The following AKT3 variants were observed in gnomAD, a reference collection of about 807,000 sequenced individuals.
AKT3 encodes AKT serine/threonine kinase 3, also known as RAC-gamma serine/threonine-protein kinase.
AKT3 carries 15 observed loss-of-function variants against 65.3 expected under a neutral mutation model. The ratio of observed to expected loss-of-function variants is 0.23; its 90% CI spans 0.15 to 0.35. The LOEUF (loss-of-function observed/expected upper bound fraction) is 0.35, where lower values mean the gene tolerates loss of function less well. Among genes scored for constraint, AKT3 ranks in the 10% least tolerant of loss-of-function variants. AKT3 has a pLI of 1.00. For synonymous variants in AKT3, 206 were observed against 183.8 expected, an observed-to-expected ratio of 1.12 and a Z score of -0.98; for missense variants, 243 against 576.5, an observed-to-expected ratio of 0.42 and a Z score of 5.92.
At chr1:243,727,098 C>T (rs1022261720) in intron 2 of AKT3, among the ~76,000 whole-genome samples, 1 of 152,078 alleles carries the variant, frequency 6.6e-6, no homozygotes. Context: ...AAATGTGAAA[C>T]ATTAACATTT....
At chr1:243,672,056 GAT>G (rs1333171674) in intron 3 of AKT3, among the ~76,000 whole-genome samples, 1 of 152,124 alleles carries the variant, frequency 6.6e-6, no homozygotes, top group Non-Finnish European at 1.5e-5. Context: ...GCAAATCCAG[GAT>G]AAGTTTCAAC....
chr1:243,636,296 G>A (rs1290702990), intron 6 of AKT3, among the ~76,000 whole-genome samples: 3 of 151,920 alleles, frequency 2.0e-5, no homozygotes. Context: ...CTGATGGCAT[G>A]TACTATTATA....
At chr1:243,658,909 G>GGAGCCCT (rs2147895008) in intron 4 of AKT3, among the ~76,000 whole-genome samples, 1 of 150,282 alleles carries the variant, frequency 6.7e-6, no homozygotes, top group South Asian at 2.1e-4. Flanking sequence ...GTGTGTGGCT[G>GGAGCCCT]TAGTCCCAGC....
At chr1:243,836,154 G>A (rs1206587460) in intron 2 of AKT3, among the ~76,000 whole-genome samples, 3 of 152,086 alleles carry the variant, frequency 2.0e-5, no homozygotes, top group Middle Eastern at 3.4e-3. Context: ...GAGAGAAACA[G>A]TTTAAATACA....
intron 2 of AKT3, among the ~76,000 whole-genome samples, chr1:243,705,739 G>T (rs1023504476): frequency 6.6e-6 from 1 of 152,054 alleles, no homozygotes; most frequent in African/African-American, 2.4e-5. Flanking sequence ...ATAGCAGTAG[G>T]TATGTTGTGG....
chr1:243,728,048 C>G (rs1447795454), intron 2 of AKT3, among the ~76,000 whole-genome samples: 1 of 152,146 alleles, frequency 6.6e-6, no homozygotes, highest in African/African-American at 2.4e-5. Flanking sequence ...AACTTGAAGA[C>G]TAAAACTATC....
chr1:243,538,816 C>A (rs1037705648), intron 12 of AKT3, among the ~76,000 whole-genome samples: 3 of 150,122 alleles, frequency 2.0e-5, no homozygotes, highest in African/African-American at 4.9e-5. Flanking sequence ...CACAAAATAG[C>A]AAGACCCCAT....
In AKT3 at chr1:243,748,079, CATAAAT is replaced by C. The variant is rs570322437; in HGVS notation, c.47-52369_47-52364del. 4.7e-3 allele frequency among the ~76,000 whole-genome samples: 710 copies of C among 152,254 alleles called. 4 individuals are homozygous for C. Among genetic ancestry groups the C allele is most frequent in the African/African-American group, 0.017 (686 of 41,558 alleles). ...AAGAAAAAATTAAAAGATACACAAA[CATAAAT>C]ATATCTTTTAAAACATATAGCATGC... On this transcript the variant is annotated intron_variant, in intron 2 of 13. Coordinates refer to ENST00000673466, the MANE Select transcript of AKT3 (RefSeq NM_005465.7).
At chr1:243,746,333 G>A (rs986614370) in intron 2 of AKT3, among the ~76,000 whole-genome samples, 1 of 151,906 alleles carries the variant, frequency 6.6e-6, no homozygotes, top group Non-Finnish European at 1.5e-5. Context: ...CTATTAAAAT[G>A]TATTCTGTCT....
At chr1:243,704,984 T>C (rs1241312513) in intron 2 of AKT3, among the ~76,000 whole-genome samples, 1 of 152,102 alleles carries the variant, frequency 6.6e-6, no homozygotes, top group Non-Finnish European at 1.5e-5. Flanking sequence ...CGGAAGGTGT[T>C]TACAATTTTC....
At chr1:243,667,175 T>C (rs1328701420) in intron 3 of AKT3, among the ~76,000 whole-genome samples, 4 of 152,222 alleles carry the variant, frequency 2.6e-5, no homozygotes, top group Non-Finnish European at 5.9e-5. Context: ...CATTCGTAAC[T>C]GGTTTTCCAC....
chr1:243,782,698 T>C (rs370418278), intron 2 of AKT3, among the ~76,000 whole-genome samples: 2 of 152,298 alleles, frequency 1.3e-5, no homozygotes, highest in South Asian at 2.1e-4. Context: ...ATTTAACAAA[T>C]GGAACTGGGA....
rs1356001863 is a variant in AKT3, at chr1:243,501,588, A to C, written c.*3661T>G. On this transcript the variant is annotated 3_prime_UTR_variant, in exon 14 of 14. Coordinates refer to ENST00000673466, the MANE Select transcript of AKT3 (RefSeq NM_005465.7). ...CTACTGCCATTTCACTGAAGTAAAA[A>C]TGATCCCCTATGTGTGTGTGTGTGA... 1 of 232,924 alleles carries C rather than the reference A, an allele frequency of 4.3e-6. No homozygotes were observed. Among genetic ancestry groups the C allele is most frequent in the African/African-American group, 2.2e-5 (1 of 45,248 alleles). 14.4% of individuals were successfully genotyped at this position (232,924 alleles called of 1,614,324 possible).
At chr1:243,807,752 C>T (rs1692836563) in intron 2 of AKT3, among the ~76,000 whole-genome samples, 2 of 152,212 alleles carry the variant, frequency 1.3e-5, no homozygotes, top group Non-Finnish European at 2.9e-5. Context: ...GGGTCCCTGA[C>T]CCCCGAGTAG....
chr1:243,569,218 G>C (rs1318092240), intron 9 of AKT3, among the ~76,000 whole-genome samples: 1 of 152,182 alleles, frequency 6.6e-6, no homozygotes, highest in Non-Finnish European at 1.5e-5. Flanking sequence ...AATGACCATG[G>C]AATGCTGAAA....
chr1:243,674,309 T>C (rs1239021902), intron 3 of AKT3, among the ~76,000 whole-genome samples: 1 of 152,192 alleles, frequency 6.6e-6, no homozygotes. Context: ...AAACTTAGTT[T>C]ATAATGAAGA....
chr1:243,826,369 C>T (rs1434904993), intron 2 of AKT3, among the ~76,000 whole-genome samples: 1 of 152,228 alleles, frequency 6.6e-6, no homozygotes, highest in Non-Finnish European at 1.5e-5. Flanking sequence ...TTGTCTAACA[C>T]AACATCAATT....
intron 6 of AKT3, among the ~76,000 whole-genome samples, chr1:243,618,408 G>A (rs1678492043): frequency 6.6e-6 from 1 of 152,068 alleles, no homozygotes; most frequent in Admixed American, 6.5e-5. Context: ...GATAAGGTAT[G>A]CGCAAGCTAA....
chr1:243,494,502 C>T (rs929917479), intron 13 of AKT3, among the ~76,000 whole-genome samples: 9 of 152,182 alleles, frequency 5.9e-5, no homozygotes, highest in African/African-American at 9.7e-5. Context: ...AAGCATCTCG[C>T]GACCTTCGGA....
Sources: allele counts gnomAD v4.1 joint callset (sites outside exome capture counted in the v4.1 genomes callset), GRCh38; gene constraint gnomAD v4.1.1; transcripts MANE v1.5; gene names NCBI Gene and HGNC (gene_info 2026-07-23, HGNC 2026-07-21).